ILRUN: variants seen among roughly 807,000 people sequenced by gnomAD.
The protein encoded by ILRUN is inflammation and lipid regulator with UBA-like and NBR1-like domains, also known as protein ILRUN.
In ILRUN, 3 loss-of-function variants were observed where a neutral mutation model predicts 33.8. That is an observed-to-expected ratio of 0.09 (90% CI 0.04 to 0.23). The LOEUF (loss-of-function observed/expected upper bound fraction) is 0.23, where lower values mean the gene tolerates loss of function less well. Ranked by LOEUF, ILRUN falls within the 10% of genes least tolerant of loss-of-function variation. The pLI is 1.00. For synonymous variants in ILRUN, 124 were observed against 138.9 expected, an observed-to-expected ratio of 0.89 and a Z score of 0.75; for missense variants, 210 against 375.1, an observed-to-expected ratio of 0.56 and a Z score of 3.64.
intron 1 of ILRUN, among the ~76,000 whole-genome samples, chr6:34,660,290 G>C (rs1335651986): frequency 1.3e-5 from 2 of 151,476 alleles, no homozygotes; most frequent in Admixed American, 1.3e-4. Flanking sequence ...GCAACAGTGA[G>C]ACCCTGTCAA....
chr6:34,669,913 A>C (rs368429327), intron 1 of ILRUN, among the ~76,000 whole-genome samples: 3 of 150,876 alleles, frequency 2.0e-5, no homozygotes, highest in South Asian at 2.1e-4. Context: ...AGAAAAGGCA[A>C]CTCTTTTTTT....
At chr6:34,611,544 C>G (rs1328491274) in intron 3 of ILRUN, among the ~76,000 whole-genome samples, 2 of 152,134 alleles carry the variant, frequency 1.3e-5, no homozygotes, top group Admixed American at 1.3e-4. Context: ...CCCCTGCCTA[C>G]TGTATTACTT....
intron 1 of ILRUN, among the ~76,000 whole-genome samples, chr6:34,693,829 T>A (rs1288017273): frequency 6.6e-6 from 1 of 150,874 alleles, no homozygotes; most frequent in Non-Finnish European, 1.5e-5. Flanking sequence ...TATTTTTAAT[T>A]TTTTTTTTTG....
chr6:34,603,121 A>G (rs1337969533), intron 4 of ILRUN, among the ~76,000 whole-genome samples: 1 of 152,188 alleles, frequency 6.6e-6, no homozygotes, highest in Non-Finnish European at 1.5e-5. Context: ...CCCAGCCTTG[A>G]TGGCAAGCAG....
chr6:34,671,178 G>A (rs1286479271), intron 1 of ILRUN, among the ~76,000 whole-genome samples: 2 of 152,062 alleles, frequency 1.3e-5, no homozygotes, highest in African/African-American at 4.8e-5. Context: ...AGGCTGAGGC[G>A]GGCAGATCAC....
intron 1 of ILRUN, among the ~76,000 whole-genome samples, chr6:34,682,021 C>CTTTTTTTTTTTTTTTTTTTT (rs1377020252): frequency 2.3e-5 from 3 of 130,018 alleles, no homozygotes; most frequent in African/African-American, 5.9e-5. Context: ...CCCACTAATT[C>CTTTTTTTTTTTTTTTTTTTT]TTATATTTTT....
rs548597951 is a variant in ILRUN at position 34,657,715 on chromosome 6, G to A, written c.159-2936C>T. On this transcript the variant is annotated intron_variant, in intron 1 of 4. Transcript: ENST00000374023. The stretch of plus-strand genomic sequence containing the variant: ...GGGGTACACAGCTTCTCAGAGTTCA[G>A]AGAATTTAAATTACTGGCCCACTAG... Among the ~76,000 whole-genome samples, 11 of 152,314 alleles carry A rather than the reference G, an allele frequency of 7.2e-5. No homozygotes were observed. In the East Asian group the frequency reaches 1.9e-3, roughly 27 times the overall value.
At chr6:34,639,041 T>A (rs776500115) in intron 3 of ILRUN, among the ~76,000 whole-genome samples, 5 of 152,210 alleles carry the variant, frequency 3.3e-5, no homozygotes, top group African/African-American at 9.6e-5. Context: ...GAAAGCCTCA[T>A]GTTACCTGGT....
At chr6:34,662,954 C>G (rs1009481451) in intron 1 of ILRUN, among the ~76,000 whole-genome samples, 7 of 151,960 alleles carry the variant, frequency 4.6e-5, no homozygotes, top group African/African-American at 1.7e-4. Context: ...TGGGACTACA[C>G]AGGGTGGTGT....
chr6:34,603,936 C>T (rs982501469), intron 4 of ILRUN, among the ~76,000 whole-genome samples: 1 of 152,166 alleles, frequency 6.6e-6, no homozygotes, highest in African/African-American at 2.4e-5. Context: ...GTGGAGCTGA[C>T]TCAACTTTAG....
In ILRUN at chr6:34,614,500, ATT is replaced by A. The variant is rs139197996; in HGVS notation, c.512-7598_512-7597del. On this transcript the variant is annotated intron_variant, in intron 3 of 4. Transcript: ENST00000374023. ...TTTTATATATTATTATATATATTATATTTTATATATATATATATATTCATGGA... is the reference window on the plus strand; with the variant it reads ...TTTTATATATTATTATATATATTATATTATATATATATATATATTCATGGA... Among the ~76,000 whole-genome samples, 128 of 133,148 alleles carry A rather than the reference ATT, an allele frequency of 9.6e-4. 1 individual carries two copies. In the East Asian group the frequency reaches 0.019, roughly 20 times the overall value. The allele number at this position is 133,148 out of a possible 152,430, so 87.4% of individuals were successfully genotyped here. A position where few individuals can be genotyped will look rare whatever the true frequency, so the allele number is the denominator to read the frequency against.
Position 34,627,219 on chromosome 6 carries a change from C to T in ILRUN, c.511+19382G>A, listed in dbSNP as rs543591973. Among the ~76,000 whole-genome samples, 4 of 152,276 alleles carry T rather than the reference C, an allele frequency of 2.6e-5. No individual in the cohort carries two copies. In the South Asian group the frequency reaches 8.3e-4, roughly 32 times the overall value. ...TGGTAATATGCATTTAAGGTCCTTCCATGTGCCTTAATGGCTCATTTCTTT... is the reference window on the plus strand; with the variant it reads ...TGGTAATATGCATTTAAGGTCCTTCTATGTGCCTTAATGGCTCATTTCTTT... On this transcript the variant is annotated intron_variant, in intron 3 of 4. Transcript: ENST00000374023.
intron 3 of ILRUN, among the ~76,000 whole-genome samples, chr6:34,622,033 C>G (rs1303663649): frequency 2.0e-5 from 3 of 152,152 alleles, no homozygotes; most frequent in Non-Finnish European, 4.4e-5. Context: ...GCTGAGAAAA[C>G]TGCATATCCA....
chr6:34,606,478 T>A (rs1394766193), intron 4 of ILRUN, 77 bp downstream of exon 4: 15 of 1,196,924 alleles, frequency 1.3e-5, no homozygotes, highest in East Asian at 9.4e-5. Flanking sequence ...CAGTCTAGGA[T>A]TCTAGGTTTG....
intron 1 of ILRUN, among the ~76,000 whole-genome samples, chr6:34,683,487 CAT>C (rs1229592329): frequency 0.028 from 2,308 of 81,188 alleles, 41 homozygotes; most frequent in Middle Eastern, 0.12. Flanking sequence ...TATATATATA[CAT>C]ATATATATAC....
rs527768369 is a variant in ILRUN, at chr6:34,614,665, T to C, written c.512-7761A>G. 1.8e-4 allele frequency among the ~76,000 whole-genome samples: 27 copies of C among 151,432 alleles called. No individual in the cohort carries two copies. In the South Asian group the frequency reaches 4.6e-3, roughly 26 times the overall value. On this transcript the variant is annotated intron_variant, in intron 3 of 4. Transcript: ENST00000374023. The stretch of plus-strand genomic sequence containing the variant: ...ACATCTCCCATTCCCTCCTTGAGAG[T>C]GGGCTAGCCTTGTGATTCGCTTCCA...
chr6:34,696,733 G>T lies in ILRUN; in HGVS notation c.-130C>A. 1.1e-6 allele frequency: 1 copy of T among 882,822 alleles called. No homozygotes were observed. The highest frequency in any genetic ancestry group is 1.7e-6 in the Non-Finnish European group (1 of 586,728). 54.7% of individuals were successfully genotyped at this position (882,822 alleles called of 1,614,324 possible). A position where few individuals can be genotyped will look rare whatever the true frequency, so the allele number is the denominator to read the frequency against. ...CCCCGCTCCTTTGAGGTAGGCCCCG[G>T]GCCTCTCACAGTCTCATAGGGGTAA... On this transcript the variant is annotated 5_prime_UTR_variant, in exon 1 of 5. Transcript: ENST00000374023.
intron 4 of ILRUN, among the ~76,000 whole-genome samples, chr6:34,604,877 C>T (rs1761592185): frequency 6.6e-6 from 1 of 152,182 alleles, no homozygotes; most frequent in Admixed American, 6.5e-5. Flanking sequence ...GTCTTTCCTA[C>T]TAGACCATGT....
Position 34,640,517 on chromosome 6 carries a change from C to T in ILRUN, c.511+6084G>A, listed in dbSNP as rs544258767. Among the ~76,000 whole-genome samples, 20 of 151,974 alleles carry T rather than the reference C, an allele frequency of 1.3e-4. No individual in the cohort carries two copies. In the East Asian group the frequency reaches 3.9e-3, roughly 29 times the overall value. ...CACAAGGTCAAGAGATTGAGACCAC[C>T]CTAGCCAACATGGTGAACCCTGTCT... On this transcript the variant is annotated intron_variant, in intron 3 of 4. Coordinates refer to ENST00000374023, the MANE Select transcript of ILRUN (RefSeq NM_024294.4).
Sources: allele counts gnomAD v4.1 joint callset (sites outside exome capture counted in the v4.1 genomes callset), GRCh38; gene constraint gnomAD v4.1.1; transcripts MANE v1.5; gene names NCBI Gene and HGNC (gene_info 2026-07-23, HGNC 2026-07-21).